FOXP4: variants seen among roughly 807,000 people sequenced by gnomAD.
The protein encoded by FOXP4 is forkhead box P4, also known as forkhead box protein P4.
FOXP4 carries 25 observed loss-of-function variants against 82.6 expected under a neutral mutation model. The observed-to-expected ratio is 0.30, with a 90% CI of 0.22 to 0.42. The LOEUF (loss-of-function observed/expected upper bound fraction) is 0.42, where lower values mean the gene tolerates loss of function less well. Ranked by LOEUF, FOXP4 falls within the 10% of genes least tolerant of loss-of-function variation. The pLI is 1.00. For synonymous variants in FOXP4, 415 were observed against 388.2 expected (o/e 1.07, Z -0.81); for missense variants, 785 against 900.9 (o/e 0.87, Z 1.65).
At chr6:41,597,085 C>T (rs1766886139) in intron 14 of FOXP4, 91 bp from the exon 15 acceptor site, 1 of 1,388,832 alleles carries the variant, frequency 7.2e-7, no homozygotes, top group Admixed American at 1.7e-5. Context: ...GACCCATTCC[C>T]AGCACAGGCC....
In FOXP4 at chr6:41,588,683, A is replaced by C. The variant is rs752725473; in HGVS notation, c.1017A>C (p.Thr339=). The change falls in exon 9 of 17, where the codon ACA becomes ACC. Residue 339 remains threonine, a synonymous_variant. Transcript: ENST00000307972. ...AGCACGCCCTGGATGACCGGAGTAC[A>C]GCCCAGTGCCGGGTACAGATGCAGG... ...NTEHALDDRS[T]AQCRVQMQVV... 6.2e-7 allele frequency: 1 copy of C among 1,614,070 alleles called. No individual in the cohort carries two copies. Among genetic ancestry groups the C allele is most frequent in the Non-Finnish European group, 8.5e-7 (1 of 1,180,026 alleles).
At chr6:41,576,837 A>C (rs1378360129) in intron 2 of FOXP4, among the ~76,000 whole-genome samples, 1 of 152,184 alleles carries the variant, frequency 6.6e-6, no homozygotes, top group East Asian at 1.9e-4. Flanking sequence ...ATTCAGACCC[A>C]GGACTGCCTA....
intron 2 of FOXP4, among the ~76,000 whole-genome samples, chr6:41,573,372 A>G (rs988642331): frequency 4.6e-5 from 7 of 152,050 alleles, no homozygotes; most frequent in East Asian, 1.9e-4. Flanking sequence ...GTTGCCCTCA[A>G]AGCTACAGCT....
intron 12 of FOXP4, among the ~76,000 whole-genome samples, chr6:41,590,919 C>T (rs953045101): frequency 3.3e-5 from 5 of 152,220 alleles, no homozygotes; most frequent in East Asian, 3.8e-4. Context: ...CTTTCACCCT[C>T]GGTGCAGGGC....
At chr6:41,552,979 C>T (rs1764082928) in intron 1 of FOXP4, among the ~76,000 whole-genome samples, 1 of 152,162 alleles carries the variant, frequency 6.6e-6, no homozygotes, top group South Asian at 2.1e-4. Flanking sequence ...GTGAAGAGGA[C>T]ACCTGCAGCC....
intron 16 of FOXP4, 101 bp downstream of exon 16, chr6:41,598,051 A>T: frequency 1.2e-6 from 1 of 818,716 alleles, no homozygotes; most frequent in Non-Finnish European, 1.6e-6. Flanking sequence ...TCCCACCCCC[A>T]CCACGCCTCT....
chr6:41,548,824 CTTTT>C (rs11326650), intron 1 of FOXP4, among the ~76,000 whole-genome samples: 28,092 of 106,096 alleles, frequency 0.26, 3,079 homozygotes, highest in Admixed American at 0.32. Flanking sequence ...GTCTGAAGGC[CTTTT>C]TTTTTTTTTT....
intron 16 of FOXP4, 89 bp downstream of exon 16, chr6:41,598,039 C>T: frequency 1.8e-6 from 2 of 1,123,400 alleles, no homozygotes; most frequent in Non-Finnish European, 2.4e-6. Flanking sequence ...TGGGGTTCCC[C>T]ATCCCACCCC....
At position 41,587,452 on chromosome 6, in the gene FOXP4, C is replaced by A. The variant is rs768344957; in HGVS notation, c.812C>A (p.Pro271His). The A allele has an allele frequency of 2.1e-5, 32 of 1,556,492 alleles. No homozygotes were observed. Among genetic ancestry groups the A allele is most frequent in the East Asian group, 4.5e-5 (2 of 44,460 alleles). ...GCCGCTCCCCCCAAGGTCTCACCCC[C>A]CCTCTCCCACCATACCCTGCCCAAC... The part of the protein sequence containing the change: ...SFAAPPKVSP[P>H]LSHHTLPNGQ... Residue 271 changes from proline (P) to histidine (H), a missense_variant, in exon 7 of 17, where the codon CCC becomes CAC. Physicochemically the swap from Pro to His is moderately conservative, Grantham distance 77. This residue lies in a region of FOXP4 where 570 missense variants were observed against 634.0 expected (regional missense o/e 0.90). Transcript: ENST00000307972.
At chr6:41,588,219 T>A (rs1026587435) in intron 8 of FOXP4, among the ~76,000 whole-genome samples, 18 of 152,066 alleles carry the variant, frequency 1.2e-4, no homozygotes, top group African/African-American at 4.3e-4. Context: ...CGGGGAGTGA[T>A]GGCGAGTGAC....
intron 2 of FOXP4, among the ~76,000 whole-genome samples, chr6:41,566,919 T>C (rs1279468175): frequency 1.3e-5 from 2 of 152,142 alleles, no homozygotes; most frequent in African/African-American, 4.8e-5. Flanking sequence ...CACAGTACCC[T>C]CATGTGCTCC....
chr6:41,556,647 A>G (rs1248048908), intron 1 of FOXP4, among the ~76,000 whole-genome samples: 1 of 152,166 alleles, frequency 6.6e-6, no homozygotes, highest in African/African-American at 2.4e-5. Context: ...TAACAATAAA[A>G]TATATTCACA....
intron 5 of FOXP4, among the ~76,000 whole-genome samples, chr6:41,586,325 C>G (rs1004712483): frequency 3.9e-5 from 6 of 152,098 alleles, no homozygotes; most frequent in African/African-American, 1.4e-4. Context: ...ATCTCTGCCT[C>G]TCAACCCACC....
Position 41,588,699 on chromosome 6 carries a change from C to G in FOXP4, c.1033C>G (p.Gln345Glu), listed in dbSNP as rs1303447263. ...DDRSTAQCRV[Q>E]MQVVQQLEIQ... Reference sequence around the variant, plus strand: ...CCGGAGTACAGCCCAGTGCCGGGTACAGATGCAGGTGGTGCAGCAGCTGGA... The same window carrying G: ...CCGGAGTACAGCCCAGTGCCGGGTAGAGATGCAGGTGGTGCAGCAGCTGGA... The change falls in exon 9 of 17, where the codon CAG (glutamine) becomes GAG (glutamate). Residue 345 changes from glutamine (Q) to glutamate (E), a missense_variant. This residue lies in a region of FOXP4 where 570 missense variants were observed against 634.0 expected (regional missense o/e 0.90). Coordinates refer to ENST00000307972, the MANE Select transcript of FOXP4 (RefSeq NM_001012426.2). 2 of 1,613,936 alleles carry G rather than the reference C, an allele frequency of 1.2e-6. No homozygotes were observed. Among genetic ancestry groups the G allele is most frequent in the East Asian group, 2.2e-5 (1 of 44,870 alleles).
chr6:41,572,380 T>C (rs1765250639), intron 2 of FOXP4, among the ~76,000 whole-genome samples: 1 of 152,210 alleles, frequency 6.6e-6, no homozygotes, highest in South Asian at 2.1e-4. Context: ...GTGTAGTGTC[T>C]GTCTCGGCCC....
intron 1 of FOXP4, among the ~76,000 whole-genome samples, chr6:41,562,026 GCTGA>G (rs367578059): frequency 1.5e-3 from 221 of 152,324 alleles, no homozygotes; most frequent in African/African-American, 5.0e-3. Context: ...CCTGTCTTTA[GCTGA>G]CTGGGTCCCA....
rs1047226036 is a variant in FOXP4, at chr6:41,599,863, G to C, written c.*927G>C. 2.0e-5 allele frequency: 3 copies of C among 152,482 alleles called. No individual in the cohort carries two copies. The highest frequency in any genetic ancestry group is 7.3e-5 in the African/African-American group (3 of 41,334). The allele number at this position is 152,482 out of a possible 1,614,324, so 9.4% of individuals were successfully genotyped here. On this transcript the variant is annotated 3_prime_UTR_variant, in exon 17 of 17. Coordinates refer to ENST00000307972, the MANE Select transcript of FOXP4 (RefSeq NM_001012426.2). The stretch of plus-strand genomic sequence containing the variant: ...CTCCCTCAGCTCCCCTTCCTCTGCA[G>C]TCACCCTCAGCTCCCCTTCCTTGCC...
At position 41,589,958 on chromosome 6, in the gene FOXP4, C is replaced by T. The variant is rs1387425402; in HGVS notation, c.1150-5C>T. ...TGGTCTCAGTACCCTCCCCGTTGCT[C>T]ACAGCTGAACCCGGTCCCCGGCTCC... On this transcript the variant is annotated splice_polypyrimidine_tract_variant and splice_region_variant and intron_variant, in intron 10 of 16. Transcript: ENST00000307972. 3.7e-6 allele frequency: 6 copies of T among 1,613,776 alleles called. No homozygotes were observed. In the African/African-American group the frequency reaches 4.0e-5, roughly 11 times the overall value.
chr6:41,566,271 T>C (rs1037581705), intron 2 of FOXP4, among the ~76,000 whole-genome samples: 3 of 152,132 alleles, frequency 2.0e-5, no homozygotes, highest in African/African-American at 4.8e-5. Flanking sequence ...AGGCTTGAGA[T>C]TGGCATGTTG....
Sources: allele counts gnomAD v4.1 joint callset (sites outside exome capture counted in the v4.1 genomes callset), GRCh38; gene constraint gnomAD v4.1.1; regional missense constraint gnomAD v4.1.1; transcripts MANE v1.5; gene names NCBI Gene and HGNC (gene_info 2026-07-23, HGNC 2026-07-21).